BMX: variants seen among roughly 807,000 people sequenced by gnomAD.
BMX encodes cytoplasmic tyrosine-protein kinase BMX.
BMX carries 31 observed loss-of-function variants against 59.2 expected under a neutral mutation model. The ratio of observed to expected loss-of-function variants is 0.52; its 90% confidence interval spans 0.39 to 0.71. The LOEUF (loss-of-function observed/expected upper bound fraction) is 0.71, where lower values mean the gene tolerates loss of function less well. BMX is among the 30% of genes least tolerant of loss of function. The pLI, the probability that BMX is intolerant of heterozygous loss-of-function variation, is 0.00. For missense variants in BMX, 474 were observed against 491.7 expected (o/e 0.96, Z 0.34); for synonymous variants, 185 against 181.0 (o/e 1.02, Z -0.18).
chrX:15,518,042 A>G, intron 6 of BMX, 49 bp downstream of exon 6: 1 of 1,042,522 alleles, frequency 9.6e-7, no homozygotes, highest in Non-Finnish European at 1.3e-6. Context: ...TATATTAAAT[A>G]AACCAAGAGT....
In BMX at chrX:15,553,130, A is replaced by C. The variant is rs115845601; in HGVS notation, c.1954-2943A>C. Among the ~76,000 whole-genome samples the C allele has an allele frequency of 7.0e-3, 791 of 112,256 alleles. 6 individuals carry two copies. Among genetic ancestry groups the C allele is most frequent in the African/African-American group, 0.025 (770 of 30,896 alleles). On this transcript the variant is annotated intron_variant, in intron 18 of 18. Coordinates refer to ENST00000348343, the MANE Select transcript of BMX (RefSeq NM_203281.3). Reference sequence around the variant, plus strand: ...TATATCCAGGTTTCAGAGGACCTGGATAAATAAAAGCTTTGGATTTTGCAT... The same window carrying C: ...TATATCCAGGTTTCAGAGGACCTGGCTAAATAAAAGCTTTGGATTTTGCAT...
intron 1 of BMX, among the ~76,000 whole-genome samples, chrX:15,507,907 A>C (rs964727438): frequency 2.7e-5 from 3 of 111,809 alleles, no homozygotes; most frequent in Non-Finnish European, 5.6e-5. Flanking sequence ...TCAGTGTCTC[A>C]TAGTGGTTTG....
At chrX:15,508,762 T>A (rs1232234464) in intron 2 of BMX, among the ~76,000 whole-genome samples, 1 of 111,975 alleles carries the variant, frequency 8.9e-6, no homozygotes. Flanking sequence ...CAGGTGACAT[T>A]GGGAAAAGAC....
At chrX:15,504,045 C>T (rs2070996671) in intron 1 of BMX, among the ~76,000 whole-genome samples, 1 of 111,652 alleles carries the variant, frequency 9.0e-6, no homozygotes, top group African/African-American at 3.3e-5. Context: ...CCTCCTTAAG[C>T]ATTGGCTAGG....
intron 1 of BMX, among the ~76,000 whole-genome samples, chrX:15,504,007 A>C (rs1032495065): frequency 9.0e-6 from 1 of 111,407 alleles, no homozygotes. Flanking sequence ...TGACCAGTAA[A>C]CTCTAAACAG....
chrX:15,525,282 T>C lies in BMX; in HGVS notation c.753-6T>C, dbSNP rs751343825. On this transcript the variant is annotated splice_polypyrimidine_tract_variant and splice_region_variant and intron_variant, in intron 7 of 18. Coordinates refer to ENST00000348343, the MANE Select transcript of BMX (RefSeq NM_203281.3). Reference sequence around the variant, plus strand: ...TATAAACTTATAAAATGTCTCTTTTTTGCAGTAGCAGCAGCAGTGAAGATG... The same window carrying C: ...TATAAACTTATAAAATGTCTCTTTTCTGCAGTAGCAGCAGCAGTGAAGATG... The C allele has an allele frequency of 4.1e-6, 5 of 1,206,250 alleles. No homozygotes were observed. The highest frequency in any genetic ancestry group is 5.6e-6 in the Non-Finnish European group (5 of 892,036).
At chrX:15,546,689 A>G (rs16997078) in intron 16 of BMX, 114 bp from the exon 17 acceptor site, 13,682 of 544,673 alleles carry the variant, frequency 0.025, 905 homozygotes, top group African/African-American at 0.22. Flanking sequence ...TTGAAAGGAA[A>G]CAAAAGTTCC....
intron 11 of BMX, among the ~76,000 whole-genome samples, chrX:15,532,663 T>C (rs1287314199): frequency 2.7e-5 from 3 of 112,596 alleles, no homozygotes; most frequent in African/African-American, 6.4e-5. Flanking sequence ...AGTGCATATA[T>C]GTATATTTAT....
intron 1 of BMX, chrX:15,507,271 T>C: frequency 4.4e-6 from 3 of 682,238 alleles, no homozygotes; most frequent in Non-Finnish European, 5.2e-6. Flanking sequence ...GGGATGCAAA[T>C]ATCTTCTTTT....
chrX:15,534,858 G>A (rs1268834545), intron 12 of BMX, among the ~76,000 whole-genome samples: 3 of 111,060 alleles, frequency 2.7e-5, no homozygotes, highest in South Asian at 3.7e-4. Context: ...GTCTTTCCAC[G>A]CAAACACAAA....
chrX:15,543,391 C>T (rs1349126093), intron 16 of BMX, among the ~76,000 whole-genome samples: 3 of 111,006 alleles, frequency 2.7e-5, no homozygotes, highest in African/African-American at 9.8e-5. Context: ...GTTACAGCCA[C>T]ATTATTGGAT....
chrX:15,540,510 A>G (rs1330784915), intron 14 of BMX, among the ~76,000 whole-genome samples: 1 of 110,118 alleles, frequency 9.1e-6, no homozygotes, highest in East Asian at 2.8e-4. Flanking sequence ...ACCATGGCAC[A>G]TGTATATATA....
At chrX:15,555,178 G>A (rs1294085168) in intron 18 of BMX, among the ~76,000 whole-genome samples, 3 of 87,269 alleles carry the variant, frequency 3.4e-5, no homozygotes, top group Non-Finnish European at 6.7e-5. Context: ...ATACTGACTT[G>A]TCCTAGTCTA....
At chrX:15,510,556 C>T (rs756083832) in intron 3 of BMX, among the ~76,000 whole-genome samples, 8 of 110,883 alleles carry the variant, frequency 7.2e-5, no homozygotes, top group Middle Eastern at 4.3e-3. Flanking sequence ...TTGGGGGAAA[C>T]CAGGGGAGGG....
intron 18 of BMX, among the ~76,000 whole-genome samples, chrX:15,552,930 A>G (rs1926263392): frequency 8.9e-6 from 1 of 112,489 alleles, no homozygotes; most frequent in Non-Finnish European, 1.9e-5. Flanking sequence ...GTGAGTTTAG[A>G]AAAAGTCTTG....
chrX:15,508,312 C>T (rs375368314), intron 1 of BMX, 33 bp from the exon 2 acceptor site: 8 of 1,018,603 alleles, frequency 7.9e-6, no homozygotes, highest in Non-Finnish European at 1.0e-5. Flanking sequence ...CTAGATGCTG[C>T]AAATACTCAT....
Position 15,508,344 on chromosome X carries a change from G to A in BMX, c.-9-1G>A. 9.1e-7 allele frequency: 1 copy of A among 1,098,370 alleles called. No individual in the cohort carries two copies. Among genetic ancestry groups the A allele is most frequent in the Non-Finnish European group, 1.2e-6 (1 of 817,905 alleles). The allele number at this position is 1,098,370 out of a possible 1,213,427, so 90.5% of individuals were successfully genotyped here. A position where few individuals can be genotyped will look rare whatever the true frequency, so the allele number is the denominator to read the frequency against. On this transcript the variant is annotated splice_acceptor_variant, in intron 1 of 18. Coordinates refer to ENST00000348343, the MANE Select transcript of BMX (RefSeq NM_203281.3). LOFTEE classifies it low-confidence loss of function (5UTR_SPLICE). ...TCATTTTAATTATTTATTTTGTTTA[G>A]GATGATAATATGGATACAAAATCTA... is the stretch of plus-strand genomic sequence containing the variant.
chrX:15,540,871 G>C (rs759416749), intron 14 of BMX, among the ~76,000 whole-genome samples: 2 of 110,977 alleles, frequency 1.8e-5, no homozygotes, highest in Admixed American at 9.6e-5. Flanking sequence ...AGAAAAGAAA[G>C]AGTAATTGGA....
At chrX:15,549,485 C>T (rs909589321) in intron 17 of BMX, among the ~76,000 whole-genome samples, 4 of 112,008 alleles carry the variant, frequency 3.6e-5, no homozygotes, top group Non-Finnish European at 5.6e-5. Flanking sequence ...GGGCTCACTA[C>T]ACAGGTAGTT....
Sources: allele counts gnomAD v4.1 joint callset (sites outside exome capture counted in the v4.1 genomes callset), GRCh38; gene constraint gnomAD v4.1.1; transcripts MANE v1.5; gene names NCBI Gene and HGNC (gene_info 2026-07-23, HGNC 2026-07-21).